MYH16: variants seen among roughly 807,000 people sequenced by gnomAD.
MYH16 encodes the protein myosin heavy chain 16.
chr7:99,257,737 T>G (rs1791888180), intron 10 of MYH16, among the ~76,000 whole-genome samples: 1 of 152,158 alleles, frequency 6.6e-6, no homozygotes, highest in Non-Finnish European at 1.5e-5. Context: ...GCCTCAACCT[T>G]GTAGGCTCAA....
At chr7:99,305,346 G>A (rs1246962228) in intron 40 of MYH16, among the ~76,000 whole-genome samples, 1 of 152,172 alleles carries the variant, frequency 6.6e-6, no homozygotes, top group Non-Finnish European at 1.5e-5. Context: ...CTCAAGCAGA[G>A]CAGTCCCCAA....
intron 36 of MYH16, among the ~76,000 whole-genome samples, chr7:99,299,205 T>G (rs192595993): frequency 4.5e-4 from 69 of 152,264 alleles, no homozygotes; most frequent in African/African-American, 1.7e-3. Flanking sequence ...ATGATCACAC[T>G]ACTACACCAT....
rs182009461 is a variant in MYH16, at chr7:99,296,076, G to A, written n.4283-625G>A. 3.9e-3 allele frequency among the ~76,000 whole-genome samples: 583 copies of A among 148,600 alleles called. 3 individuals are homozygous for A. Among genetic ancestry groups the A allele is most frequent in the African/African-American group, 0.014 (554 of 40,024 alleles). ...GGATAATCGCTTGAACCCAGGAGAC[G>A]GAGGTTGCAGTGAGCCATGATCATG... is the stretch of plus-strand genomic sequence containing the variant. On this transcript the variant is annotated intron_variant and non_coding_transcript_variant, in intron 33 of 41. Transcript: ENST00000439784.
chr7:99,250,403 G>A (rs1791795915), intron 5 of MYH16, among the ~76,000 whole-genome samples: 1 of 152,130 alleles, frequency 6.6e-6, no homozygotes, highest in Admixed American at 6.5e-5. Flanking sequence ...CTGCCCCAGG[G>A]GCACAAAAAG....
chr7:99,277,855 T>A, intron 21 of MYH16, 143 bp downstream of exon 3: 1 of 355,676 alleles, frequency 2.8e-6, no homozygotes, highest in South Asian at 2.1e-5. Context: ...TCGACCCAAC[T>A]TCCAAAAAGT....
At chr7:99,259,428 A>G (rs1429881501) in intron 11 of MYH16, among the ~76,000 whole-genome samples, 1 of 152,120 alleles carries the variant, frequency 6.6e-6, no homozygotes, top group Non-Finnish European at 1.5e-5. Context: ...AGCCTGGGCA[A>G]CAGGGTGAGA....
chr7:99,251,392 C>G (rs944947108), intron 6 of MYH16, among the ~76,000 whole-genome samples: 1 of 152,162 alleles, frequency 6.6e-6, no homozygotes. Context: ...CAAATAATCC[C>G]TCGTGGAATT....
intron 12 of MYH16, chr7:99,260,413 T>C: frequency 3.2e-6 from 2 of 628,504 alleles, no homozygotes; most frequent in East Asian, 6.8e-5. Context: ...GAGGTGGCAC[T>C]TGGCTTCAGG....
At chr7:99,281,733 G>A (rs1274576562) in intron 23 of MYH16, among the ~76,000 whole-genome samples, 1 of 152,188 alleles carries the variant, frequency 6.6e-6, no homozygotes, top group African/African-American at 2.4e-5. Context: ...AGTTCTTGAG[G>A]CCATGGGGAG....
chr7:99,306,907 A>G (rs73159522), downstream of MYH16: 3,730 of 152,606 alleles, frequency 0.024, 60 homozygotes, highest in South Asian at 0.041. Flanking sequence ...TGCTGCTAGT[A>G]TTGGTACTAT....
At chr7:99,239,522 G>A (rs1175098345) in intron 1 of MYH16, among the ~76,000 whole-genome samples, 1 of 152,148 alleles carries the variant, frequency 6.6e-6, no homozygotes, top group Non-Finnish European at 1.5e-5. Flanking sequence ...AGGTCTCTTG[G>A]AGCATGGGGG....
chr7:99,271,463 C>G (rs758596408), intron 19 of MYH16, among the ~76,000 whole-genome samples: 1 of 152,078 alleles, frequency 6.6e-6, no homozygotes, highest in Non-Finnish European at 1.5e-5. Flanking sequence ...GAGCTGAGAT[C>G]GTGCCATTGC....
At chr7:99,293,460 C>T (rs1467009501) in intron 32 of MYH16, among the ~76,000 whole-genome samples, 1 of 152,192 alleles carries the variant, frequency 6.6e-6, no homozygotes, top group African/African-American at 2.4e-5. Context: ...CTGGGCACTA[C>T]CTGGTCCTCC....
At chr7:99,293,815 G>A (rs9969217) in intron 32 of MYH16, among the ~76,000 whole-genome samples, 41,682 of 152,164 alleles carry the variant, frequency 0.27, 11,479 homozygotes, top group African/African-American at 0.72. Flanking sequence ...CTTGACGCAG[G>A]GTAGAGAAAG....
chr7:99,291,854 G>C (rs1792384915), intron 31 of MYH16, among the ~76,000 whole-genome samples: 1 of 152,022 alleles, frequency 6.6e-6, no homozygotes, highest in African/African-American at 2.4e-5. Flanking sequence ...AGCTACTTGG[G>C]AGGCCGACAC....
chr7:99,309,522 G>T (rs1041651971), downstream of MYH16, among the ~76,000 whole-genome samples: 2 of 152,200 alleles, frequency 1.3e-5, no homozygotes, highest in African/African-American at 4.8e-5. Flanking sequence ...AAGGAAATCA[G>T]AAGCTTGTCT....
chr7:99,262,773 G>A (rs1253148046), intron 13 of MYH16, among the ~76,000 whole-genome samples: 2 of 152,200 alleles, frequency 1.3e-5, no homozygotes, highest in Non-Finnish European at 2.9e-5. Context: ...AGTGCTGGAT[G>A]GATGGAGCCC....
At chr7:99,280,203 T>C (rs2150820557) in intron 22 of MYH16, among the ~76,000 whole-genome samples, 1 of 152,376 alleles carries the variant, frequency 6.6e-6, no homozygotes, top group South Asian at 2.1e-4. Flanking sequence ...TCTATTAATT[T>C]ACAACTTAAA....
chr7:99,295,145 G>A (rs1378276982), intron 33 of MYH16, among the ~76,000 whole-genome samples: 4 of 152,118 alleles, frequency 2.6e-5, no homozygotes, highest in Non-Finnish European at 4.4e-5. Flanking sequence ...TTGGGAGGCC[G>A]AGGCAGGCGG....
Sources: gnomAD v4.1 joint callset for allele counts (sites outside exome capture counted in the v4.1 genomes callset) on GRCh38, gnomAD v4.1.1 for gene constraint, MANE v1.5 for transcripts, NCBI Gene and HGNC (gene_info 2026-07-23, HGNC 2026-07-21) for gene names.